Variants in ASXL2 observed in about 807,000 individuals in gnomAD.
ASXL2 encodes ASXL transcriptional regulator 2, also known as putative Polycomb group protein ASXL2.
In ASXL2, 23 loss-of-function variants were observed where a neutral mutation model predicts 122.0. The observed-to-expected ratio is 0.19, with a 90% CI of 0.14 to 0.27. ASXL2 has a LOEUF of 0.27. Ranked by LOEUF, ASXL2 falls within the 10% of genes least tolerant of loss-of-function variation. The pLI, the probability that ASXL2 is intolerant of heterozygous loss-of-function variation, is 1.00. For missense variants in ASXL2, 1,518 were observed against 1,713.8 expected, an observed-to-expected ratio of 0.89 and a Z score of 2.02; for synonymous variants, 650 against 637.0, an observed-to-expected ratio of 1.02 and a Z score of -0.31.
At chr2:25,798,050 C>G (rs1436644182) in intron 5 of ASXL2, among the ~76,000 whole-genome samples, 4 of 152,116 alleles carry the variant, frequency 2.6e-5, no homozygotes, top group Non-Finnish European at 5.9e-5. Flanking sequence ...AAGAAATGAC[C>G]TATTGCAAAT....
In ASXL2 at chr2:25,842,705, T is replaced by G. The variant is rs185428468; in HGVS notation, c.140+2776A>C. On this transcript the variant is annotated intron_variant, in intron 2 of 12. Transcript: ENST00000435504. ...CTTCAAGTGTGTGTATATATATATATAGATAGATAGATAGATAGATGTATA... is the reference window on the plus strand; with the variant it reads ...CTTCAAGTGTGTGTATATATATATAGAGATAGATAGATAGATAGATGTATA... Among the ~76,000 whole-genome samples, 619 of 146,290 alleles carry G rather than the reference T, an allele frequency of 4.2e-3. 1 individual carries two copies. Among genetic ancestry groups the G allele is most frequent in the Non-Finnish European group, 6.7e-3 (445 of 66,256 alleles).
At chr2:25,788,825 T>G (rs1267672327) in intron 5 of ASXL2, among the ~76,000 whole-genome samples, 1 of 152,172 alleles carries the variant, frequency 6.6e-6, no homozygotes, top group Non-Finnish European at 1.5e-5. Context: ...ATTCCTTTGT[T>G]GCATATATTT....
intron 2 of ASXL2, among the ~76,000 whole-genome samples, chr2:25,837,086 G>T (rs1350718911): frequency 2.5e-4 from 4 of 16,254 alleles, no homozygotes; most frequent in Admixed American, 3.8e-4. Flanking sequence ...AAGGGGGGTG[G>T]GGGGGGGGGG....
rs376684713 is a variant in ASXL2, at chr2:25,743,643, C to G, written c.2694G>C (p.Lys898Asn). Reference sequence around the variant, plus strand: ...TTGCACTGACCTGGGGTACAGGAAGCTTTTCTAAAGTGGCTGTGGTCAATA... The same window carrying G: ...TTGCACTGACCTGGGGTACAGGAAGGTTTTCTAAAGTGGCTGTGGTCAATA... ...TSLLTTATLE[K>N]LPVPQVSATT... The change falls in exon 13 of 13, where the codon AAG (lysine) becomes AAC (asparagine). Residue 898 changes from lysine to asparagine, a missense_variant. Physicochemically the swap from Lys to Asn is moderately conservative, Grantham distance 94 (BLOSUM62 0). Coordinates refer to ENST00000435504, the MANE Select transcript of ASXL2 (RefSeq NM_018263.6). 5.6e-6 allele frequency: 9 copies of G among 1,613,846 alleles called. No individual in the cohort carries two copies. In the African/African-American group the frequency reaches 9.3e-5, roughly 17 times the overall value.
rs1277106754 is a variant in ASXL2, at chr2:25,739,253, G to A, written c.*2776C>T. On this transcript the variant is annotated 3_prime_UTR_variant, in exon 13 of 13. Coordinates refer to ENST00000435504, the MANE Select transcript of ASXL2 (RefSeq NM_018263.6). The stretch of plus-strand genomic sequence containing the variant: ...TAAAACTTTTCAGATTGGGATGAAA[G>A]GTAAAACAACTCAAAAAACTAAGGT... 5 of 158,856 alleles carry A rather than the reference G, an allele frequency of 3.1e-5. No individual in the cohort carries two copies. The highest frequency in any genetic ancestry group is 9.6e-5 in the African/African-American group (4 of 41,566). 9.8% of individuals were successfully genotyped at this position (158,856 alleles called of 1,614,324 possible). A position where few individuals can be genotyped will look rare whatever the true frequency, so the allele number is the denominator to read the frequency against.
intron 1 of ASXL2, chr2:25,856,734 T>C (rs1168260533): frequency 1.9e-5 from 25 of 1,307,076 alleles, no homozygotes; most frequent in East Asian, 1.2e-4. Flanking sequence ...GCCGATCTGG[T>C]TGACCTTCAG....
At position 25,835,228 on chromosome 2, in the gene ASXL2, T is replaced by C. The variant is rs192818672; in HGVS notation, c.143+310A>G. Among the ~76,000 whole-genome samples, 380 of 152,302 alleles carry C rather than the reference T, an allele frequency of 2.5e-3. 2 individuals carry two copies. Among genetic ancestry groups the C allele is most frequent in the Admixed American group, 6.5e-3 (100 of 15,296 alleles). On this transcript the variant is annotated intron_variant, in intron 3 of 12. Coordinates refer to ENST00000435504, the MANE Select transcript of ASXL2 (RefSeq NM_018263.6). ...ACATGTTTCCAGTCTACTAAATACT[T>C]TCATTATTACTCTGCAGAATACTTG...
intron 5 of ASXL2, among the ~76,000 whole-genome samples, chr2:25,780,872 G>C (rs1345016607): frequency 2.0e-5 from 3 of 151,996 alleles, no homozygotes; most frequent in Non-Finnish European, 4.4e-5. Flanking sequence ...CGGATCACGA[G>C]GTCAGGAGAT....
chr2:25,814,615 A>G (rs1295786149), intron 3 of ASXL2, among the ~76,000 whole-genome samples: 1 of 152,232 alleles, frequency 6.6e-6, no homozygotes, highest in Non-Finnish European at 1.5e-5. Flanking sequence ...GCAGTGCTAT[A>G]ATTTTATGCG....
At chr2:25,867,195 T>G (rs2089915826) in intron 1 of ASXL2, among the ~76,000 whole-genome samples, 2 of 152,068 alleles carry the variant, frequency 1.3e-5, no homozygotes, top group Non-Finnish European at 2.9e-5. Context: ...CCACCGCGCC[T>G]GGCACTAATT....
At chr2:25,851,681 GCTCAGT>G (rs1452586837) in intron 1 of ASXL2, among the ~76,000 whole-genome samples, 2 of 152,040 alleles carry the variant, frequency 1.3e-5, no homozygotes, top group African/African-American at 4.8e-5. Context: ...CATGGGCCGG[GCTCAGT>G]CATGACCAGC....
intron 1 of ASXL2, among the ~76,000 whole-genome samples, chr2:25,848,242 T>C (rs2089671880): frequency 6.6e-6 from 1 of 152,356 alleles, no homozygotes; most frequent in Non-Finnish European, 1.5e-5. Context: ...TAAAAATTAA[T>C]ACTTTCTAAT....
intron 3 of ASXL2, among the ~76,000 whole-genome samples, chr2:25,819,147 C>G (rs915390983): frequency 5.3e-5 from 8 of 152,160 alleles, no homozygotes; most frequent in African/African-American, 1.9e-4. Flanking sequence ...GATCATTCCC[C>G]AATCAAGTCT....
chr2:25,858,812 A>ATT (rs765331691), intron 1 of ASXL2, among the ~76,000 whole-genome samples: 10 of 139,196 alleles, frequency 7.2e-5, no homozygotes, highest in Non-Finnish European at 9.4e-5. Context: ...TAGAAATCTA[A>ATT]TTTTTTTTTT....
At chr2:25,785,047 A>G (rs1347449155) in intron 5 of ASXL2, among the ~76,000 whole-genome samples, 2 of 152,232 alleles carry the variant, frequency 1.3e-5, no homozygotes, top group South Asian at 2.1e-4. Context: ...TCAAGGAATT[A>G]TAAGTATTCT....
chr2:25,778,796 T>C (rs1360979300), intron 5 of ASXL2, among the ~76,000 whole-genome samples: 4 of 152,180 alleles, frequency 2.6e-5, no homozygotes, highest in Non-Finnish European at 4.4e-5. Context: ...AGGCAAATCT[T>C]ACATAACTTT....
intron 4 of ASXL2, among the ~76,000 whole-genome samples, chr2:25,803,287 G>T (rs900407487): frequency 7.9e-5 from 12 of 152,196 alleles, no homozygotes. Flanking sequence ...CCATTCATCT[G>T]TATCTTTTGT....
chr2:25,760,504 A>G (rs1353631513), intron 8 of ASXL2, among the ~76,000 whole-genome samples: 3 of 152,256 alleles, frequency 2.0e-5, no homozygotes, highest in African/African-American at 7.2e-5. Flanking sequence ...AATGCTGCTG[A>G]TGGGGCTGAA....
chr2:25,836,194 T>C (rs918141750), intron 2 of ASXL2, among the ~76,000 whole-genome samples: 11 of 152,132 alleles, frequency 7.2e-5, no homozygotes, highest in African/African-American at 2.7e-4. Flanking sequence ...CTGAGCAACA[T>C]AGTGAGACCT....
Sources: allele counts gnomAD v4.1 joint callset (sites outside exome capture counted in the v4.1 genomes callset), GRCh38; gene constraint gnomAD v4.1.1; transcripts MANE v1.5; gene names NCBI Gene and HGNC (gene_info 2026-07-23, HGNC 2026-07-21).